ACYP1: variants seen among roughly 807,000 people sequenced by gnomAD.
ACYP1 encodes the protein acylphosphatase 1, also known as acylphosphatase-1.
In ACYP1, 8 loss-of-function variants were observed where a neutral mutation model predicts 10.4. The ratio of observed to expected loss-of-function variants is 0.77; its 90% CI spans 0.45 to 1.38. ACYP1 has a LOEUF of 1.38. Among genes scored for constraint, ACYP1 ranks in the 40% most tolerant of loss-of-function variants. The pLI is 0.00. For synonymous variants in ACYP1, 38 were observed against 40.8 expected, an observed-to-expected ratio of 0.93 and a Z score of 0.26; for missense variants, 93 against 117.3, an observed-to-expected ratio of 0.79 and a Z score of 0.96.
chr14:75,053,517 A>G lies in ACYP1; in HGVS notation c.227T>C (p.Ile76Thr). ...TTCATTGTTGAAGTTTGCTTTGTCG[A>G]TGTGTGATTTAGGACTTCCTCTTGT... ...LETRGSPKSH[I>T]DKANFNNEKV... The change falls in exon 3 of 3, where the codon ATC becomes ACC. Residue 76 changes from isoleucine to threonine, a missense_variant. By Grantham distance (89) the Ile-to-Thr change is moderately conservative. Transcript: ENST00000238618. The G allele has an allele frequency of 6.2e-7, 1 of 1,614,174 alleles. No individual in the cohort carries two copies.
chr14:75,066,854 A>G (rs115326270), upstream of ACYP1, among the ~76,000 whole-genome samples: 1 of 152,164 alleles, frequency 6.6e-6, no homozygotes, highest in Non-Finnish European at 1.5e-5. Flanking sequence ...TGTCTCAAAG[A>G]AAAAAAGGAA....
chr14:75,068,647 G>A (rs967739822), upstream of ACYP1, among the ~76,000 whole-genome samples: 1 of 151,902 alleles, frequency 6.6e-6, no homozygotes, highest in African/African-American at 2.4e-5. Flanking sequence ...TGAGTGGAGT[G>A]GGAAACGTCT....
At chr14:75,059,487 C>A (rs559887812) in intron 2 of ACYP1, among the ~76,000 whole-genome samples, 4 of 152,292 alleles carry the variant, frequency 2.6e-5, no homozygotes, top group Admixed American at 2.0e-4. Flanking sequence ...TTTTGTACTT[C>A]ACAGACACTA....
chr14:75,053,492 T>C lies in ACYP1; in HGVS notation c.252A>G (p.Glu84=). ...SHIDKANFNN[E]KVILKLDYSD... ...AGTAATCCAACTTCAAGATGACTTT[T>C]TCATTGTTGAAGTTTGCTTTGTCGA... is the stretch of plus-strand genomic sequence containing the variant. The change falls in exon 3 of 3, where the codon GAA becomes GAG. Residue 84 remains glutamate, a synonymous_variant. Coordinates refer to ENST00000238618, the MANE Select transcript of ACYP1 (RefSeq NM_001107.5). The C allele has an allele frequency of 6.2e-7, 1 of 1,614,200 alleles. No homozygotes were observed. Among genetic ancestry groups the C allele is most frequent in the Non-Finnish European group, 8.5e-7 (1 of 1,180,026 alleles).
In ACYP1 at chr14:75,053,635, C is replaced by G. The variant is rs1020999113; in HGVS notation, c.109G>C (p.Val37Leu). 2 of 1,614,006 alleles carry G rather than the reference C, an allele frequency of 1.2e-6. No homozygotes were observed. Among genetic ancestry groups the G allele is most frequent in the Non-Finnish European group, 1.7e-6 (2 of 1,180,036 alleles). ...CGGTCAGTGTTCTGGACCCAGCCTACCAATCCCAGCTTTTTACCCTCAGCC... is the reference window on the plus strand; with the variant it reads ...CGGTCAGTGTTCTGGACCCAGCCTAGCAATCCCAGCTTTTTACCCTCAGCC... The part of the protein sequence containing the change: ...TQAEGKKLGL[V>L]GWVQNTDRGT... Residue 37 changes from valine to leucine, a missense_variant, in exon 3 of 3, where the codon GTA (valine) becomes CTA (leucine). By Grantham distance (32) the Val-to-Leu change is conservative (BLOSUM62 1). Transcript: ENST00000238618.
At chr14:75,062,679 A>AAAAAAAAAG (rs1893057354) in intron 2 of ACYP1, among the ~76,000 whole-genome samples, 1 of 141,026 alleles carries the variant, frequency 7.1e-6, no homozygotes, top group Non-Finnish European at 1.6e-5. Flanking sequence ...AAAAAAAAAA[A>AAAAAAAAAG]AAGAAGTTTT....
intron 1 of ACYP1, 35 bp downstream of exon 1, chr14:75,063,919 T>G (rs1254033079): frequency 9.9e-7 from 1 of 1,009,074 alleles, no homozygotes; most frequent in Non-Finnish European, 1.2e-6. Flanking sequence ...CTAATCGACC[T>G]GAGAAGCACA....
At chr14:75,059,030 G>A (rs895465318) in intron 2 of ACYP1, among the ~76,000 whole-genome samples, 6 of 151,258 alleles carry the variant, frequency 4.0e-5, no homozygotes, top group African/African-American at 9.7e-5. Flanking sequence ...AAACCCCGTC[G>A]CTACTAAAAA....
At chr14:75,061,739 A>G (rs558770750) in intron 2 of ACYP1, 3 of 1,590,188 alleles carry the variant, frequency 1.9e-6, no homozygotes, top group African/African-American at 2.7e-5. Context: ...GAGTTTCAGC[A>G]ATTCTGTTTT....
At position 75,059,699 on chromosome 14, in the gene ACYP1, C is replaced by G. The variant is rs549683928; in HGVS notation, c.84+3771G>C. 3 of 152,254 alleles carry G rather than the reference C, an allele frequency of 2.0e-5. No individual in the cohort carries two copies. In the East Asian group the frequency reaches 5.8e-4, roughly 29 times the overall value. 9.4% of individuals were successfully genotyped at this position (152,254 alleles called of 1,614,324 possible). A position where few individuals can be genotyped will look rare whatever the true frequency, so the allele number is the denominator to read the frequency against. On this transcript the variant is annotated intron_variant, in intron 2 of 2. Coordinates refer to ENST00000238618, the MANE Select transcript of ACYP1 (RefSeq NM_001107.5). ...GCCAATAAGCACATGAAAAGATGCT[C>G]AACATCATTAGTCATTAGGAAGGCA... is the stretch of plus-strand genomic sequence containing the variant.
chr14:75,053,348 T>C lies in ACYP1; in HGVS notation c.*96A>G, dbSNP rs1278093597. ...AAAAATCTGACATTAAAATAACTTA[T>C]TGACTAATGCTAATATTAACACACA... On this transcript the variant is annotated 3_prime_UTR_variant, in exon 3 of 3. Transcript: ENST00000238618. 4 of 1,099,060 alleles carry C rather than the reference T, an allele frequency of 3.6e-6. No homozygotes were observed. Among genetic ancestry groups the C allele is most frequent in the African/African-American group, 1.6e-5 (1 of 63,818 alleles). The allele number at this position is 1,099,060 out of a possible 1,614,324, so 68.1% of individuals were successfully genotyped here. A position where few individuals can be genotyped will look rare whatever the true frequency, so the allele number is the denominator to read the frequency against.
chr14:75,063,396 A>G, intron 2 of ACYP1, 74 bp downstream of exon 2: 1 of 1,292,672 alleles, frequency 7.7e-7, no homozygotes, highest in Non-Finnish European at 1.1e-6. Flanking sequence ...TCTAGTTCAC[A>G]TTTGTCAAGA....
In ACYP1 at chr14:75,053,641, C is replaced by G. The variant is rs1892802433; in HGVS notation, c.103G>C (p.Gly35Arg). ...KHTQAEGKKL[G>R]LVGWVQNTDR... ...GTGTTCTGGACCCAGCCTACCAATCCCAGCTTTTTACCCTCAGCCTAAGGG... is the reference window on the plus strand; with the variant it reads ...GTGTTCTGGACCCAGCCTACCAATCGCAGCTTTTTACCCTCAGCCTAAGGG... The change falls in exon 3 of 3, where the codon GGA becomes CGA. Residue 35 changes from glycine to arginine, a missense_variant. Transcript: ENST00000238618. 1 of 1,614,004 alleles carries G rather than the reference C, an allele frequency of 6.2e-7. No homozygotes were observed. Among genetic ancestry groups the G allele is most frequent in the Non-Finnish European group, 8.5e-7 (1 of 1,180,036 alleles).
chr14:75,057,988 A>AAAAAAAC lies in ACYP1; in HGVS notation c.85-4330_85-4329insGTTTTTT, dbSNP rs59726466. On this transcript the variant is annotated intron_variant, in intron 2 of 2. Coordinates refer to ENST00000238618, the MANE Select transcript of ACYP1 (RefSeq NM_001107.5). The stretch of plus-strand genomic sequence containing the variant: ...TCAAAAAAAAAAAAAAAAAAAAAAA[A>AAAAAAAC]GAACTACCTGCTGAGGCTGGGTAAT... Among the ~76,000 whole-genome samples the AAAAAAAC allele has an allele frequency of 4.8e-5, 7 of 147,116 alleles. 1 individual carries two copies. The highest frequency in any genetic ancestry group is 1.8e-4 in the African/African-American group (7 of 39,360).
intron 2 of ACYP1, chr14:75,061,795 T>C (rs1411137365): frequency 6.6e-7 from 1 of 1,507,908 alleles, no homozygotes; most frequent in South Asian, 1.2e-5. Context: ...GAAATGATTT[T>C]TGAATAATTA....
At chr14:75,057,664 G>C (rs1473238078) in intron 2 of ACYP1, among the ~76,000 whole-genome samples, 2 of 151,306 alleles carry the variant, frequency 1.3e-5, no homozygotes, top group Non-Finnish European at 2.9e-5. Context: ...ACCATTTCGT[G>C]TTGCTATAAA....
chr14:75,055,536 A>C (rs886691648), intron 2 of ACYP1, among the ~76,000 whole-genome samples: 1 of 151,414 alleles, frequency 6.6e-6, no homozygotes, highest in Non-Finnish European at 1.5e-5. Flanking sequence ...TCAGTTTTGA[A>C]TATCTATTGC....
At position 75,063,653 on chromosome 14, in the gene ACYP1, T is replaced by C. The variant is rs1032778260; in HGVS notation, c.-8-92A>G. The stretch of plus-strand genomic sequence containing the variant: ...AAAGGGCCACACCCACCCCTGTCCA[T>C]CCTTAACCATTGCGACCTCTCCCCG... On this transcript the variant is annotated intron_variant, in intron 1 of 2. Coordinates refer to ENST00000238618, the MANE Select transcript of ACYP1 (RefSeq NM_001107.5). 1.3e-5 allele frequency: 13 copies of C among 1,016,922 alleles called. No individual in the cohort carries two copies. In the African/African-American group the frequency reaches 2.1e-4, roughly 16 times the overall value. 63.0% of individuals were successfully genotyped at this position (1,016,922 alleles called of 1,614,324 possible).
intron 1 of ACYP1, 30 bp downstream of exon 1, chr14:75,063,924 A>G (rs1893093947): frequency 9.9e-7 from 1 of 1,007,282 alleles, no homozygotes; most frequent in African/African-American, 1.7e-5. Flanking sequence ...CGACCTGAGA[A>G]GCACACCCTG....
Sources: allele counts gnomAD v4.1 joint callset (sites outside exome capture counted in the v4.1 genomes callset), GRCh38; gene constraint gnomAD v4.1.1; transcripts MANE v1.5; gene names NCBI Gene and HGNC (gene_info 2026-07-23, HGNC 2026-07-21).